The following ATP9A variants were observed in gnomAD, a reference collection of about 807,000 sequenced individuals.
ATP9A encodes probable phospholipid-transporting ATPase IIA.
Under a neutral mutation model 144.1 loss-of-function variants are expected in ATP9A, and 52 were observed. That is an observed-to-expected ratio of 0.36 (90% CI 0.29 to 0.45). The LOEUF (loss-of-function observed/expected upper bound fraction) is 0.45, where lower values mean the gene tolerates loss of function less well. Among genes scored for constraint, ATP9A ranks in the 20% least tolerant of loss-of-function variants. The probability of loss-of-function intolerance (pLI) is 1.00; values close to 1 mark genes in which losing one functional copy is unlikely to be tolerated. For synonymous variants in ATP9A, 582 were observed against 557.4 expected, an observed-to-expected ratio of 1.04 and a Z score of -0.62; for missense variants, 947 against 1,392.7, an observed-to-expected ratio of 0.68 and a Z score of 5.09.
At chr20:51,631,235 GAAC>G (rs1403818921) in intron 15 of ATP9A, among the ~76,000 whole-genome samples, 2 of 152,120 alleles carry the variant, frequency 1.3e-5, no homozygotes, top group East Asian at 3.9e-4. Flanking sequence ...CAATCTTTTA[GAAC>G]AACATGCTGA....
At chr20:51,621,895 C>T (rs1017796778) in intron 19 of ATP9A, among the ~76,000 whole-genome samples, 179 bp downstream of exon 19, 1 of 152,136 alleles carries the variant, frequency 6.6e-6, no homozygotes, top group African/African-American at 2.4e-5. Flanking sequence ...CTGGAAGAAA[C>T]TCTCCAGCCG....
chr20:51,731,426 G>C (rs1487742869), intron 1 of ATP9A, among the ~76,000 whole-genome samples: 2 of 150,960 alleles, frequency 1.3e-5, no homozygotes, highest in Admixed American at 6.6e-5. Flanking sequence ...ACAGATAAGA[G>C]AGAAGCTTGG....
chr20:51,670,191 G>A (rs1346858599), intron 12 of ATP9A, 82 bp from the exon 13 acceptor site: 2 of 1,129,196 alleles, frequency 1.8e-6, no homozygotes, highest in African/African-American at 1.5e-5. Flanking sequence ...TGCCATCTTT[G>A]GAGAGTTTGC....
chr20:51,674,424 C>T lies in ATP9A; in HGVS notation c.877-111G>A. ...GCTGAGCCTCACTGCACTAACTCAG[C>T]CTGCCGGAGAGCTGGTCCTTCCCCT... is the stretch of plus-strand genomic sequence containing the variant. On this transcript the variant is annotated intron_variant, in intron 10 of 27. Coordinates refer to ENST00000338821, the MANE Select transcript of ATP9A (RefSeq NM_006045.3). The T allele has an allele frequency of 2.7e-6, 3 of 1,110,392 alleles. No homozygotes were observed. The South Asian group carries it at 4.5e-5, about 17-fold the overall frequency. The allele number at this position is 1,110,392 out of a possible 1,614,324, so 68.8% of individuals were successfully genotyped here.
At chr20:51,617,423 T>C in intron 22 of ATP9A, 67 bp downstream of exon 22, 1 of 1,488,218 alleles carries the variant, frequency 6.7e-7, no homozygotes, top group Non-Finnish European at 9.2e-7. Flanking sequence ...CTTAAAGCTG[T>C]GTCTTTGAGG....
At chr20:51,766,224 ACCCAGGT>A (rs1447910979) in intron 1 of ATP9A, among the ~76,000 whole-genome samples, 1 of 152,060 alleles carries the variant, frequency 6.6e-6, no homozygotes, top group African/African-American at 2.4e-5. Flanking sequence ...ATAGATAGAA[ACCCAGGT>A]CCCACCCTAA....
intron 2 of ATP9A, among the ~76,000 whole-genome samples, chr20:51,726,313 C>CA (rs11476208): frequency 0.16 from 10,998 of 70,634 alleles, 1,626 homozygotes; most frequent in East Asian, 0.26. Context: ...AACTCTGTCT[C>CA]AAAAAAAAAA....
intron 3 of ATP9A, among the ~76,000 whole-genome samples, chr20:51,719,745 A>AAAG (rs1491409017): frequency 7.3e-6 from 1 of 137,470 alleles, no homozygotes. Flanking sequence ...AAAAAAAAAA[A>AAAG]GGGGGGGGAA....
At chr20:51,601,567 T>A (rs2077143287) in intron 27 of ATP9A, among the ~76,000 whole-genome samples, 1 of 152,192 alleles carries the variant, frequency 6.6e-6, no homozygotes, top group South Asian at 2.1e-4. Context: ...CTCTCTTCTG[T>A]AGCTTCCTGA....
At position 51,697,355 on chromosome 20, in the gene ATP9A, C is replaced by T. The variant is rs895444038; in HGVS notation, c.495+69G>A. ...AAAATTCAACATTCACTTCGTCTAC[C>T]AGATACACAAATGACACATTAGGAC... On this transcript the variant is annotated intron_variant, in intron 5 of 27. Coordinates refer to ENST00000338821, the MANE Select transcript of ATP9A (RefSeq NM_006045.3). 4 of 1,450,842 alleles carry T rather than the reference C, an allele frequency of 2.8e-6. No individual in the cohort carries two copies. In the Admixed American group the frequency reaches 6.0e-5, roughly 22 times the overall value. The allele number at this position is 1,450,842 out of a possible 1,614,324, so 89.9% of individuals were successfully genotyped here.
rs181537697 is a variant in ATP9A at position 51,720,972 on chromosome 20, G to A, written c.327+4847C>T. 1.0e-3 allele frequency among the ~76,000 whole-genome samples: 155 copies of A among 152,316 alleles called. 1 individual carries two copies. Among genetic ancestry groups the A allele is most frequent in the South Asian group, 1.0e-3 (5 of 4,820 alleles). The stretch of plus-strand genomic sequence containing the variant: ...GTTATCAGAGGGGAAGGGATGCTTG[G>A]ATAAAGGGCCTCTCTAGCTCTCAGG... On this transcript the variant is annotated intron_variant, in intron 3 of 27. Coordinates refer to ENST00000338821, the MANE Select transcript of ATP9A (RefSeq NM_006045.3).
chr20:51,651,336 A>ATATATTATATAATATATATTTACATT (rs1568803586), intron 14 of ATP9A, among the ~76,000 whole-genome samples: 4 of 80,726 alleles, frequency 5.0e-5, no homozygotes, highest in South Asian at 3.8e-4. Context: ...ATATTTACAT[A>ATATATTATATAATATATATTTACATT]ATATATTATA....
At chr20:51,642,610 C>T (rs2077324246) in intron 14 of ATP9A, among the ~76,000 whole-genome samples, 1 of 151,566 alleles carries the variant, frequency 6.6e-6, no homozygotes, top group African/African-American at 2.4e-5. Context: ...CCTGTAGTCC[C>T]AGCTACTGGA....
At chr20:51,704,908 G>A (rs771849041) in intron 4 of ATP9A, among the ~76,000 whole-genome samples, 31 of 152,184 alleles carry the variant, frequency 2.0e-4, no homozygotes, top group Non-Finnish European at 3.4e-4. Flanking sequence ...CTCAGACAAG[G>A]GAAATTTGGG....
chr20:51,676,023 G>T, intron 10 of ATP9A, 109 bp downstream of exon 10: 2 of 758,926 alleles, frequency 2.6e-6, no homozygotes, highest in South Asian at 1.8e-5. Flanking sequence ...AAGATAAAAT[G>T]TCTGTATAAA....
At chr20:51,617,980 G>A (rs1009928446) in intron 21 of ATP9A, among the ~76,000 whole-genome samples, 6 of 152,170 alleles carry the variant, frequency 3.9e-5, no homozygotes, top group African/African-American at 1.4e-4. Flanking sequence ...AGCACTTTAG[G>A]AGGCTGAGGC....
At chr20:51,640,731 T>C (rs991591124) in intron 14 of ATP9A, among the ~76,000 whole-genome samples, 1 of 151,694 alleles carries the variant, frequency 6.6e-6, no homozygotes, top group Non-Finnish European at 1.5e-5. Flanking sequence ...GGGGCCAGAG[T>C]GTTGATACAA....
intron 13 of ATP9A, among the ~76,000 whole-genome samples, chr20:51,667,167 G>C (rs2077436465): frequency 6.6e-6 from 1 of 152,194 alleles, no homozygotes; most frequent in Non-Finnish European, 1.5e-5. Flanking sequence ...AAGAAGTGTG[G>C]TTTTCTGAAT....
chr20:51,681,468 C>T (rs189347531), intron 9 of ATP9A, among the ~76,000 whole-genome samples: 1 of 147,852 alleles, frequency 6.8e-6, no homozygotes, highest in Admixed American at 6.8e-5. Flanking sequence ...GTCGCCCAGG[C>T]TGGAGTGCAG....
Sources: gnomAD v4.1 joint callset for allele counts (sites outside exome capture counted in the v4.1 genomes callset) on GRCh38, gnomAD v4.1.1 for gene constraint, MANE v1.5 for transcripts, NCBI Gene and HGNC (gene_info 2026-07-23, HGNC 2026-07-21) for gene names.